The following LMBR1 variants were observed in gnomAD, a reference collection of about 807,000 sequenced individuals.
LMBR1 encodes limb development membrane protein 1.
Under a neutral mutation model 73.9 loss-of-function variants are expected in LMBR1, and 52 were observed. The observed-to-expected ratio is 0.70, with a 90% CI of 0.56 to 0.89. The LOEUF is 0.89. Among genes scored for constraint, LMBR1 ranks in the 40% least tolerant of loss-of-function variants. The pLI is 0.00. For missense variants in LMBR1, 539 were observed against 579.8 expected, an observed-to-expected ratio of 0.93 and a Z score of 0.72; for synonymous variants, 215 against 209.4, an observed-to-expected ratio of 1.03 and a Z score of -0.23.
intron 1 of LMBR1, among the ~76,000 whole-genome samples, chr7:156,839,621 C>T (rs1489399611): frequency 6.6e-6 from 1 of 152,132 alleles, no homozygotes; most frequent in African/African-American, 2.4e-5. Flanking sequence ...TGACTGAGAA[C>T]AACTTTGGAC....
intron 5 of LMBR1, among the ~76,000 whole-genome samples, chr7:156,774,506 T>C (rs568281438): frequency 1.3e-5 from 2 of 152,294 alleles, no homozygotes; most frequent in East Asian, 3.9e-4. Flanking sequence ...ATGTGGTACA[T>C]ATACACCATG....
At chr7:156,671,740 C>G (rs2131665540) in intron 4 of LMBR1, among the ~76,000 whole-genome samples, 1 of 152,262 alleles carries the variant, frequency 6.6e-6, no homozygotes, top group Admixed American at 6.5e-5. Flanking sequence ...CCCAGTCGTC[C>G]TAGTATCTCA....
chr7:156,751,241 G>A (rs1487152433), intron 9 of LMBR1, among the ~76,000 whole-genome samples: 1 of 152,006 alleles, frequency 6.6e-6, no homozygotes, highest in Non-Finnish European at 1.5e-5. Flanking sequence ...GAAAGGGGAA[G>A]CGTAGAGCAG....
downstream of LMBR1, among the ~76,000 whole-genome samples, chr7:156,675,231 C>G (rs189211760): frequency 9.8e-5 from 15 of 152,328 alleles, no homozygotes; most frequent in Middle Eastern, 3.4e-3. Context: ...GGAAGCATGA[C>G]AGGACAAGGG....
chr7:156,843,014 C>A (rs969234137), intron 1 of LMBR1, among the ~76,000 whole-genome samples: 5 of 152,174 alleles, frequency 3.3e-5, no homozygotes, highest in Non-Finnish European at 7.3e-5. Flanking sequence ...CACTCATCGA[C>A]CAACTCAAAG....
chr7:156,855,977 C>T (rs894017865), intron 1 of LMBR1, among the ~76,000 whole-genome samples: 6 of 152,116 alleles, frequency 3.9e-5, no homozygotes, highest in African/African-American at 1.2e-4. Flanking sequence ...GGGCAGATCA[C>T]GAGGTCAGGA....
chr7:156,783,619 T>A (rs1827540420), intron 5 of LMBR1, among the ~76,000 whole-genome samples: 1 of 152,248 alleles, frequency 6.6e-6, no homozygotes, highest in African/African-American at 2.4e-5. Flanking sequence ...ATTTATTGAT[T>A]TTTTTAAATA....
intron 15 of LMBR1, among the ~76,000 whole-genome samples, chr7:156,722,539 C>T (rs979081528): frequency 2.6e-5 from 4 of 152,026 alleles, no homozygotes; most frequent in Admixed American, 6.6e-5. Context: ...ATCTGTTTAA[C>T]GTATTTATTT....
At chr7:156,848,884 T>G (rs535488390) in intron 1 of LMBR1, among the ~76,000 whole-genome samples, 2 of 146,308 alleles carry the variant, frequency 1.4e-5, no homozygotes, top group Non-Finnish European at 3.0e-5. Flanking sequence ...TGAGCAGAGA[T>G]CGTACCATGA....
At chr7:156,872,846 GA>G (rs1799515610) in intron 1 of LMBR1, among the ~76,000 whole-genome samples, 1 of 152,126 alleles carries the variant, frequency 6.6e-6, no homozygotes, top group Non-Finnish European at 1.5e-5. Flanking sequence ...CTTTGCTCCG[GA>G]ACTACTGCAG....
chr7:156,714,173 G>A (rs545140746), intron 15 of LMBR1, among the ~76,000 whole-genome samples: 1 of 152,304 alleles, frequency 6.6e-6, no homozygotes, highest in East Asian at 1.9e-4. Flanking sequence ...TGTGTGGCAG[G>A]CCATCCCTTT....
chr7:156,768,070 T>C (rs958280858), intron 5 of LMBR1, among the ~76,000 whole-genome samples: 2 of 152,232 alleles, frequency 1.3e-5, no homozygotes, highest in African/African-American at 2.4e-5. Context: ...ATTGTTATTA[T>C]TCTTTATACA....
intron 1 of LMBR1, among the ~76,000 whole-genome samples, chr7:156,858,768 A>G (rs1172039576): frequency 6.6e-6 from 1 of 152,178 alleles, no homozygotes; most frequent in Non-Finnish European, 1.5e-5. Context: ...TCAAAAATCA[A>G]TTAATACAAT....
At chr7:156,804,755 G>A (rs1476884475) in intron 4 of LMBR1, among the ~76,000 whole-genome samples, 1 of 151,532 alleles carries the variant, frequency 6.6e-6, no homozygotes, top group Non-Finnish European at 1.5e-5. Flanking sequence ...TCCTTTATAA[G>A]GTATGTGATT....
intron 1 of LMBR1, among the ~76,000 whole-genome samples, chr7:156,878,265 T>C (rs1563607272): frequency 6.6e-6 from 1 of 152,184 alleles, no homozygotes; most frequent in Non-Finnish European, 1.5e-5. Flanking sequence ...ATCAAACTGT[T>C]GCTGTTTGCT....
chr7:156,858,361 C>G (rs545829374), intron 1 of LMBR1, among the ~76,000 whole-genome samples: 5 of 152,268 alleles, frequency 3.3e-5, no homozygotes, highest in Admixed American at 2.0e-4. Flanking sequence ...AAGACATAAT[C>G]TACCAAAACT....
At chr7:156,793,865 A>G (rs1390105665) in intron 5 of LMBR1, among the ~76,000 whole-genome samples, 1 of 152,134 alleles carries the variant, frequency 6.6e-6, no homozygotes, top group Non-Finnish European at 1.5e-5. Context: ...TCATTATTAC[A>G]CCCATTTTAT....
chr7:156,726,701 G>T (rs1167467485), intron 12 of LMBR1, among the ~76,000 whole-genome samples: 1 of 152,038 alleles, frequency 6.6e-6, no homozygotes, highest in South Asian at 2.1e-4. Context: ...AAGTGATGGG[G>T]TTCAAGACAC....
At chr7:156,761,670 G>T (rs531274880) in intron 8 of LMBR1, among the ~76,000 whole-genome samples, 1 of 152,096 alleles carries the variant, frequency 6.6e-6, no homozygotes, top group African/African-American at 2.4e-5. Context: ...TTTAACCAAA[G>T]TTCTATTAAA....
Sources: gnomAD v4.1 joint callset for allele counts (sites outside exome capture counted in the v4.1 genomes callset) on GRCh38, gnomAD v4.1.1 for gene constraint, MANE v1.5 for transcripts, NCBI Gene and HGNC (gene_info 2026-07-23, HGNC 2026-07-21) for gene names.